RBBP7: variants seen among roughly 807,000 people sequenced by gnomAD.
RBBP7 encodes the protein histone-binding protein RBBP7.
In RBBP7, 5 loss-of-function variants were observed where a neutral mutation model predicts 35.2. The ratio of observed to expected loss-of-function variants is 0.14; its 90% CI spans 0.07 to 0.30. RBBP7 has a LOEUF of 0.30. RBBP7 is among the 10% of genes least tolerant of loss of function. RBBP7 has a pLI of 1.00. For missense variants in RBBP7, 155 were observed against 327.5 expected (o/e 0.47, Z 4.07); for synonymous variants, 140 against 118.7 (o/e 1.18, Z -1.17).
At position 16,857,580 on chromosome X, in the gene RBBP7, A is replaced by T. The variant is rs751900259; in HGVS notation, c.597+14T>A. ...CTCACTATATGAACAAATTACAAAG[A>T]ATACGTTTCTCACATGGTCATCAGA... is the stretch of plus-strand genomic sequence containing the variant. On this transcript the variant is annotated intron_variant, in intron 5 of 11. Coordinates refer to ENST00000380087, the MANE Select transcript of RBBP7 (RefSeq NM_002893.4). 3.3e-6 allele frequency: 4 copies of T among 1,208,817 alleles called. No homozygotes were observed. Among genetic ancestry groups the T allele is most frequent in the Non-Finnish European group, 3.4e-6 (3 of 894,772 alleles).
intron 6 of RBBP7, 72 bp downstream of exon 6, chrX:16,853,610 C>T: frequency 1.0e-6 from 1 of 957,766 alleles, no homozygotes; most frequent in Non-Finnish European, 1.4e-6. Flanking sequence ...AATCAAACTA[C>T]AGCCTGCAGC....
At position 16,852,263 on chromosome X, in the gene RBBP7, C is replaced by T. The variant is rs1042433908; in HGVS notation, c.964-141G>A. On this transcript the variant is annotated intron_variant, in intron 8 of 11. Transcript: ENST00000380087. ...GATGGCCTCACTCTCTTGTCCCCGACTTTCAAGTGCTCTGCAAGGGCTCAG... is the reference window on the plus strand; with the variant it reads ...GATGGCCTCACTCTCTTGTCCCCGATTTTCAAGTGCTCTGCAAGGGCTCAG... 22 of 585,498 alleles carry T rather than the reference C, an allele frequency of 3.8e-5. 1 individual carries two copies. In the Admixed American group the frequency reaches 6.7e-4, roughly 18 times the overall value. 48.3% of individuals were successfully genotyped at this position (585,498 alleles called of 1,213,427 possible).
At chrX:16,856,566 C>T (rs1030116592) in intron 5 of RBBP7, among the ~76,000 whole-genome samples, 1 of 109,233 alleles carries the variant, frequency 9.2e-6, no homozygotes, top group South Asian at 3.9e-4. Context: ...ACAACAACAA[C>T]AAAAACCAAC....
chrX:16,859,406 G>C (rs1301614777), intron 3 of RBBP7, among the ~76,000 whole-genome samples: 6 of 112,167 alleles, frequency 5.3e-5, no homozygotes, highest in Admixed American at 4.7e-4. Flanking sequence ...TTAACTGCTA[G>C]TGCAGTGCCA....
rs1042899178 is a variant in RBBP7, at chrX:16,869,692, G to A, written c.16+346C>T. On this transcript the variant is annotated intron_variant, in intron 1 of 11. Transcript: ENST00000380087. ...GGACAAGGGCCGCGACCCCGAGGCG[G>A]TCAACGCGCGCGCGCGCGTAGAAAG... 11 of 1,029,495 alleles carry A rather than the reference G, an allele frequency of 1.1e-5. 1 individual carries two copies. Among genetic ancestry groups the A allele is most frequent in the Admixed American group, 9.3e-5 (2 of 21,520 alleles). The allele number at this position is 1,029,495 out of a possible 1,213,427, so 84.8% of individuals were successfully genotyped here. A position where few individuals can be genotyped will look rare whatever the true frequency, so the allele number is the denominator to read the frequency against.
At chrX:16,869,862 C>T in intron 1 of RBBP7, 176 bp downstream of exon 1, 2 of 845,327 alleles carry the variant, frequency 2.4e-6, no homozygotes, top group African/African-American at 2.2e-5. Context: ...TGCTCGGAGC[C>T]CTCGGCGCGG....
chrX:16,862,878 G>T, intron 3 of RBBP7, 77 bp downstream of exon 3: 1 of 1,063,162 alleles, frequency 9.4e-7, no homozygotes, highest in South Asian at 2.3e-5. Context: ...AAAGCTAATA[G>T]TATAGTTTTA....
At chrX:16,857,974 A>AT (rs1239107451) in intron 4 of RBBP7, among the ~76,000 whole-genome samples, 1 of 111,193 alleles carries the variant, frequency 9.0e-6, no homozygotes, top group African/African-American at 3.3e-5. Flanking sequence ...CAACCCCCCA[A>AT]TTTTTTAGAA....
intron 5 of RBBP7, among the ~76,000 whole-genome samples, chrX:16,857,255 C>T (rs768474451): frequency 5.0e-4 from 56 of 111,818 alleles, no homozygotes; most frequent in Non-Finnish European, 1.0e-3. Flanking sequence ...ATACTAAAAC[C>T]CACTGAACTG....
intron 5 of RBBP7, among the ~76,000 whole-genome samples, chrX:16,855,194 T>A (rs1363908659): frequency 9.1e-6 from 1 of 109,971 alleles, no homozygotes; most frequent in African/African-American, 3.3e-5. Context: ...GGATTACAGG[T>A]GTATGCCACC....
At chrX:16,846,170 T>C (rs768901360) in intron 10 of RBBP7, 1 of 352,976 alleles carries the variant, frequency 2.8e-6, no homozygotes, top group Admixed American at 6.1e-5. Context: ...TTTACCTAGA[T>C]TCACCAAGTG....
At chrX:16,852,526 C>CGTAT in intron 8 of RBBP7, 25 bp downstream of exon 8, 1 of 1,196,261 alleles carries the variant, frequency 8.4e-7, no homozygotes, top group Non-Finnish European at 1.1e-6. Flanking sequence ...TCCTGACATA[C>CGTAT]AGACACCAGA....
At chrX:16,869,903 G>GCGCGCCCAGTCT (rs1602431250) in intron 1 of RBBP7, 135 bp downstream of exon 1, 6 of 778,083 alleles carry the variant, frequency 7.7e-6, no homozygotes, top group Non-Finnish European at 9.2e-6. Context: ...CCCTCGAGGC[G>GCGCGCCCAGTCT]CGCGCCCAGT....
intron 2 of RBBP7, among the ~76,000 whole-genome samples, chrX:16,867,798 T>C (rs1930662591): frequency 9.1e-6 from 1 of 110,044 alleles, no homozygotes; most frequent in Admixed American, 9.7e-5. Flanking sequence ...TCTGCCTCCC[T>C]GTAGCCTGTA....
chrX:16,852,866 G>C lies in RBBP7; in HGVS notation c.768C>G (p.Thr256=). 1 of 1,211,243 alleles carries C rather than the reference G, an allele frequency of 8.3e-7. No individual in the cohort carries two copies. Among genetic ancestry groups the C allele is most frequent in the Non-Finnish European group, 1.1e-6 (1 of 895,477 alleles). ...ADDQKLMIWD[T]RSNTTSKPSH... is the part of the protein sequence containing the mutation. ...TCGGCTTGGAGGTGGTATTGGACCT[G>C]GTGTCCCATCTAAAACACAAAGGTA... is the stretch of plus-strand genomic sequence containing the variant. Residue 256 remains threonine, a synonymous_variant, in exon 7 of 12, where the codon ACC becomes ACG. Coordinates refer to ENST00000380087, the MANE Select transcript of RBBP7 (RefSeq NM_002893.4).
At chrX:16,851,889 C>T (rs1230100641) in intron 9 of RBBP7, among the ~76,000 whole-genome samples, 157 bp downstream of exon 9, 1 of 112,492 alleles carries the variant, frequency 8.9e-6, no homozygotes, top group Non-Finnish European at 1.9e-5. Context: ...TTCTATTTTA[C>T]AGAACAAAGG....
chrX:16,867,326 A>G (rs1930648354), intron 2 of RBBP7, among the ~76,000 whole-genome samples: 1 of 112,321 alleles, frequency 8.9e-6, no homozygotes, highest in African/African-American at 3.2e-5. Flanking sequence ...GCTGTTTTCT[A>G]TTATGTTACA....
rs370817118 is a variant in RBBP7 at position 16,852,701 on chromosome X, A to G, written c.885+48T>C. 27 of 1,209,963 alleles carry G rather than the reference A, an allele frequency of 2.2e-5. No homozygotes were observed. In the African/African-American group the frequency reaches 4.0e-4, roughly 18 times the overall value. ...ATTTTCAAATATCTGATTAAGGCACAAGAGAACTGGGTTTTATAAACACCA... is the reference window on the plus strand; with the variant it reads ...ATTTTCAAATATCTGATTAAGGCACGAGAGAACTGGGTTTTATAAACACCA... On this transcript the variant is annotated intron_variant, in intron 7 of 11. Coordinates refer to ENST00000380087, the MANE Select transcript of RBBP7 (RefSeq NM_002893.4).
chrX:16,869,127 T>C lies in RBBP7; in HGVS notation c.110A>G (p.His37Arg). 8.3e-7 allele frequency: 1 copy of C among 1,211,511 alleles called. No homozygotes were observed. The highest frequency in any genetic ancestry group is 1.8e-5 in the South Asian group (1 of 56,972). Residue 37 changes from histidine (H) to arginine (R), a missense_variant, in exon 2 of 12, where the codon CAT (histidine) becomes CGT (arginine). Coordinates refer to ENST00000380087, the MANE Select transcript of RBBP7 (RefSeq NM_002893.4). The stretch of plus-strand genomic sequence containing the variant: ...GGTAAGACTGGGCCACTGAAGAGCA[T>C]GGGTCATAACCAGGTCATATAGAAA... The part of the protein sequence containing the change: ...TPFLYDLVMT[H>R]ALQWPSLTVQ...
Sources: gnomAD v4.1 joint callset for allele counts (sites outside exome capture counted in the v4.1 genomes callset) on GRCh38, gnomAD v4.1.1 for gene constraint, MANE v1.5 for transcripts, NCBI Gene and HGNC (gene_info 2026-07-23, HGNC 2026-07-21) for gene names.